The following CEP68 variants were observed in gnomAD, a reference collection of about 807,000 sequenced individuals.
CEP68 encodes the protein centrosomal protein of 68 kDa.
CEP68 carries 26 observed loss-of-function variants against 55.3 expected under a neutral mutation model. The observed-to-expected ratio is 0.47, with a 90% CI of 0.34 to 0.65. The LOEUF is 0.65. Among genes scored for constraint, CEP68 ranks in the 30% least tolerant of loss-of-function variants. CEP68 has a pLI of 0.01. For synonymous variants in CEP68, 402 were observed against 383.2 expected (o/e 1.05, Z -0.57); for missense variants, 957 against 946.7 (o/e 1.01, Z -0.14).
In CEP68 at chr2:65,084,569, T is replaced by C. The variant is rs986116309; in HGVS notation, c.*935T>C. On this transcript the variant is annotated 3_prime_UTR_variant, in exon 7 of 7. Transcript: ENST00000377990. ...TCAACCATTCAAAGCATCAATTCTA[T>C]AGCTTTTTGCAGCAAGATGATCAGT... 1 of 152,056 alleles carries C rather than the reference T, an allele frequency of 6.6e-6. No individual in the cohort carries two copies. The allele number at this position is 152,056 out of a possible 1,614,324, so 9.4% of individuals were successfully genotyped here.
Position 65,069,530 on chromosome 2 carries a change from G to C in CEP68, c.86G>C (p.Arg29Pro). 1.9e-6 allele frequency: 3 copies of C among 1,596,068 alleles called. No homozygotes were observed. Among genetic ancestry groups the C allele is most frequent in the Non-Finnish European group, 2.6e-6 (3 of 1,169,328 alleles). ...QSYGRGSCRE[R>P]ELDIPGPMSG... is the part of the protein sequence containing the mutation. ...TATGGGAGAGGGAGCTGCAGGGAGC[G>C]GGAGCTGGACATCCCAGGGCCCATG... Residue 29 changes from arginine (R) to proline (P), a missense_variant, in exon 2 of 7, where the codon CGG becomes CCG. Physicochemically the swap from Arg to Pro is moderately radical, Grantham distance 103. Transcript: ENST00000377990.
Position 65,084,183 on chromosome 2 carries a change from C to T in CEP68, c.*549C>T, listed in dbSNP as rs1447348515. 1 of 152,202 alleles carries T rather than the reference C, an allele frequency of 6.6e-6. No individual in the cohort carries two copies. The highest frequency in any genetic ancestry group is 1.5e-5 in the Non-Finnish European group (1 of 68,046). The allele number at this position is 152,202 out of a possible 1,614,324, so 9.4% of individuals were successfully genotyped here. A position where few individuals can be genotyped will look rare whatever the true frequency, so the allele number is the denominator to read the frequency against. On this transcript the variant is annotated 3_prime_UTR_variant, in exon 7 of 7. Coordinates refer to ENST00000377990, the MANE Select transcript of CEP68 (RefSeq NM_015147.3). ...GCAAAAGAAAAAGGGTTAAATGAAGCATCTATACAGATGACTTTGGGAGAT... is the reference window on the plus strand; with the variant it reads ...GCAAAAGAAAAAGGGTTAAATGAAGTATCTATACAGATGACTTTGGGAGAT...
chr2:65,065,535 T>C (rs1676123760), intron 1 of CEP68, among the ~76,000 whole-genome samples: 1 of 152,228 alleles, frequency 6.6e-6, no homozygotes, highest in African/African-American at 2.4e-5. Context: ...GTCTAATTGA[T>C]ATAAATAAGA....
chr2:65,060,420 G>C (rs900309206), intron 1 of CEP68, among the ~76,000 whole-genome samples: 4 of 152,156 alleles, frequency 2.6e-5, no homozygotes, highest in Non-Finnish European at 5.9e-5. Context: ...CATACGTGCA[G>C]CCTGATGACC....
At chr2:65,081,196 AG>A (rs1257798999) in intron 5 of CEP68, among the ~76,000 whole-genome samples, 1 of 127,988 alleles carries the variant, frequency 7.8e-6, no homozygotes, top group Non-Finnish European at 1.6e-5. Flanking sequence ...TGGGTGACAG[AG>A]TGAGACTCCA....
At chr2:65,057,954 A>G (rs2540947) in intron 1 of CEP68, among the ~76,000 whole-genome samples, 16,438 of 151,842 alleles carry the variant, frequency 0.11, 980 homozygotes, top group Middle Eastern at 0.14. Context: ...AAGTTATTTA[A>G]CTTCTCCGTG....
rs778468331 is a variant in CEP68, at chr2:65,071,679, A to G, written c.583A>G (p.Ser195Gly). The change falls in exon 3 of 7, where the codon AGC becomes GGC. Residue 195 changes from serine (S) to glycine (G), a missense_variant. Transcript: ENST00000377990. ...LSPGSAAQPS[S>G]CSISASSTGS... is the part of the protein sequence containing the mutation. Reference sequence around the variant, plus strand: ...CCCAGGTTCCGCAGCTCAGCCTTCCAGCTGCAGCATCTCTGCTTCCTCCAC... The same window carrying G: ...CCCAGGTTCCGCAGCTCAGCCTTCCGGCTGCAGCATCTCTGCTTCCTCCAC... 7 of 1,614,044 alleles carry G rather than the reference A, an allele frequency of 4.3e-6. No homozygotes were observed. Among genetic ancestry groups the G allele is most frequent in the Non-Finnish European group, 5.9e-6 (7 of 1,180,038 alleles).
intron 1 of CEP68, among the ~76,000 whole-genome samples, chr2:65,063,400 G>C (rs1034508208): frequency 2.0e-5 from 3 of 152,226 alleles, no homozygotes; most frequent in Non-Finnish European, 4.4e-5. Context: ...TCATTTGGGA[G>C]GCGACGGGGG....
At chr2:65,077,287 C>T (rs532343410) in intron 4 of CEP68, among the ~76,000 whole-genome samples, 8 of 152,256 alleles carry the variant, frequency 5.3e-5, no homozygotes, top group East Asian at 3.9e-4. Flanking sequence ...TGTGAGCCAC[C>T]GCGCCTGGCT....
chr2:65,062,944 C>T (rs1675984125), intron 1 of CEP68, among the ~76,000 whole-genome samples: 1 of 152,178 alleles, frequency 6.6e-6, no homozygotes, highest in Non-Finnish European at 1.5e-5. Context: ...AGAGCAGAGC[C>T]TCACCCCTCC....
At chr2:65,076,995 C>CCCT (rs1676795121) in intron 4 of CEP68, among the ~76,000 whole-genome samples, 1 of 118,268 alleles carries the variant, frequency 8.5e-6, no homozygotes. Flanking sequence ...TTGACTTTAC[C>CCCT]TTTTTTTTTT....
At chr2:65,062,036 T>C (rs1675934289) in intron 1 of CEP68, among the ~76,000 whole-genome samples, 1 of 152,220 alleles carries the variant, frequency 6.6e-6, no homozygotes, top group Non-Finnish European at 1.5e-5. Flanking sequence ...TCATGGCAAT[T>C]ATCACTTATT....
chr2:65,071,585 A>C lies in CEP68; in HGVS notation c.489A>C (p.Ala163=), dbSNP rs1295758292. 1.2e-6 allele frequency: 2 copies of C among 1,614,170 alleles called. No homozygotes were observed. Among genetic ancestry groups the C allele is most frequent in the Admixed American group, 3.3e-5 (2 of 60,032 alleles). ...CATCCCTAGCAGATTTGCCCCAGGC[A>C]CTGGACCTCAGCCAGCAGCCTCACA... The part of the protein sequence containing the change: ...DDPSLADLPQ[A]LDLSQQPHSS... Residue 163 remains alanine, a synonymous_variant, in exon 3 of 7, where the codon GCA becomes GCC. Coordinates refer to ENST00000377990, the MANE Select transcript of CEP68 (RefSeq NM_015147.3).
At chr2:65,082,384 C>T in intron 5 of CEP68, 152 bp from the exon 6 acceptor site, 1 of 531,184 alleles carries the variant, frequency 1.9e-6, no homozygotes, top group African/African-American at 2.0e-5. Flanking sequence ...CCTGGAGAAT[C>T]ACTGTTAAAA....
chr2:65,077,749 G>C, intron 4 of CEP68, 119 bp from the exon 5 acceptor site: 3 of 634,744 alleles, frequency 4.7e-6, no homozygotes, highest in Non-Finnish European at 8.1e-6. Context: ...AGACCTGATG[G>C]GGTGAATCTT....
chr2:65,072,061 G>A lies in CEP68; in HGVS notation c.965G>A (p.Arg322His), dbSNP rs187573109. The A allele has an allele frequency of 3.1e-5, 50 of 1,613,830 alleles. No individual in the cohort carries two copies. The highest frequency in any genetic ancestry group is 1.6e-4 in the Middle Eastern group (1 of 6,062). Residue 322 changes from arginine (R) to histidine (H), a missense_variant, in exon 3 of 7, where the codon CGT (arginine) becomes CAT (histidine). By Grantham distance (29) the Arg-to-His change is conservative. Transcript: ENST00000377990. ...CAGCTCCCAAAGCACCTTGATAGCCGTGTGCCAGCTGACCCTGTCCTGCAG... is the reference window on the plus strand; with the variant it reads ...CAGCTCCCAAAGCACCTTGATAGCCATGTGCCAGCTGACCCTGTCCTGCAG... ...GPQLPKHLDS[R>H]VPADPVLQDS...
rs761493048 is a variant in CEP68, at chr2:65,069,575, G to C, written c.131G>C (p.Arg44Pro). The part of the protein sequence containing the change: ...PGPMSGEQPP[R>P]LEAEGGLISP... ...CCCATGAGTGGGGAGCAGCCCCCAC[G>C]CCTGGAAGCTGAGGGAGGGCTCATC... Residue 44 changes from arginine (R) to proline (P), a missense_variant, in exon 2 of 7, where the codon CGC becomes CCC. Transcript: ENST00000377990. 6.2e-7 allele frequency: 1 copy of C among 1,613,396 alleles called. No homozygotes were observed. The highest frequency in any genetic ancestry group is 8.5e-7 in the Non-Finnish European group (1 of 1,179,522).
chr2:65,076,242 C>T (rs1436629703), intron 4 of CEP68, among the ~76,000 whole-genome samples: 2 of 152,204 alleles, frequency 1.3e-5, no homozygotes, highest in African/African-American at 4.8e-5. Flanking sequence ...AGAGAGGAAG[C>T]TGCCCTGGTA....
chr2:65,069,835 T>C (rs746198247), intron 2 of CEP68, 34 bp downstream of exon 2: 2 of 1,547,128 alleles, frequency 1.3e-6, no homozygotes, highest in Non-Finnish European at 1.8e-6. Context: ...GATGGACCCA[T>C]TGCTGTCCTT....
Sources: gnomAD v4.1 joint callset for allele counts (sites outside exome capture counted in the v4.1 genomes callset) on GRCh38, gnomAD v4.1.1 for gene constraint, MANE v1.5 for transcripts, NCBI Gene and HGNC (gene_info 2026-07-23, HGNC 2026-07-21) for gene names.